ADAMTS17: variants seen among roughly 807,000 people sequenced by gnomAD.
ADAMTS17 encodes A disintegrin and metalloproteinase with thrombospondin motifs 17.
A neutral mutation model predicts 141.5 loss-of-function variants in ADAMTS17; 113 were observed. The observed-to-expected ratio is 0.80, with a 90% CI of 0.69 to 0.93. The LOEUF is 0.93. Among genes scored for constraint, ADAMTS17 ranks in the 40% least tolerant of loss-of-function variants. The pLI is 0.00. For missense variants in ADAMTS17, 1,659 were observed against 1,517.9 expected (o/e 1.09, Z -1.54); for synonymous variants, 768 against 630.6 (o/e 1.22, Z -3.27).
Position 100,176,015 on chromosome 15 carries a change from G to A in ADAMTS17, c.1182-20695C>T, listed in dbSNP as rs1214201759. Among the ~76,000 whole-genome samples the A allele has an allele frequency of 5.9e-5, 9 of 152,306 alleles. No individual in the cohort carries two copies. In the South Asian group the frequency reaches 1.2e-3, roughly 21 times the overall value. ...CAACCCCTAGACCATGGCCTGCCCC[G>A]TGATCTGTCTTCCAGGCCCTGCTGC... is the stretch of plus-strand genomic sequence containing the variant. On this transcript the variant is annotated intron_variant, in intron 8 of 21. Coordinates refer to ENST00000268070, the MANE Select transcript of ADAMTS17 (RefSeq NM_139057.4).
chr15:100,146,492 G>T (rs1237045149), intron 10 of ADAMTS17, among the ~76,000 whole-genome samples: 1 of 152,190 alleles, frequency 6.6e-6, no homozygotes, highest in Non-Finnish European at 1.5e-5. Context: ...GTCAGCTGAG[G>T]AAGATGTATG....
intron 15 of ADAMTS17, among the ~76,000 whole-genome samples, chr15:100,075,532 T>A (rs1026492180): frequency 1.3e-5 from 2 of 152,240 alleles, no homozygotes; most frequent in Admixed American, 1.3e-4. Flanking sequence ...TGGAGAAGTC[T>A]GAGGACTGCT....
chr15:100,139,249 G>A lies in ADAMTS17; in HGVS notation c.1474-5934C>T, dbSNP rs1364370603. Among the ~76,000 whole-genome samples the A allele has an allele frequency of 2.0e-5, 3 of 152,110 alleles. No homozygotes were observed. In the South Asian group the frequency reaches 6.2e-4, roughly 32 times the overall value. ...TAGAGAAATCTAAAAAAATTATCAG[G>A]GGCGACTTAGCTCAGTTTTATGTAC... On this transcript the variant is annotated intron_variant, in intron 10 of 21. Coordinates refer to ENST00000268070, the MANE Select transcript of ADAMTS17 (RefSeq NM_139057.4).
At position 100,272,763 on chromosome 15, in the gene ADAMTS17, C is replaced by G. The variant is rs534275668; in HGVS notation, c.789+8466G>C. Among the ~76,000 whole-genome samples, 5 of 151,048 alleles carry G rather than the reference C, an allele frequency of 3.3e-5. No individual in the cohort carries two copies. In the South Asian group the frequency reaches 1.1e-3, roughly 32 times the overall value. The stretch of plus-strand genomic sequence containing the variant: ...GAAGTAGCAAAAGCAGGCACTCTTG[C>G]CTTGTTCCAGATTTTAAAGAAAAAG... On this transcript the variant is annotated intron_variant, in intron 4 of 21. Transcript: ENST00000268070.
At chr15:100,213,564 A>G (rs1186530664) in intron 7 of ADAMTS17, among the ~76,000 whole-genome samples, 1 of 152,220 alleles carries the variant, frequency 6.6e-6, no homozygotes, top group African/African-American at 2.4e-5. Context: ...ATTTTCCTAA[A>G]TCACTCTCTC....
rs6598318 is a variant in ADAMTS17, at chr15:100,261,835, G to T, written c.874-199C>A. 4.0e-5 allele frequency among the ~76,000 whole-genome samples: 6 copies of T among 151,722 alleles called. No individual in the cohort carries two copies. The South Asian group carries it at 8.3e-4, about 21-fold the overall frequency. On this transcript the variant is annotated intron_variant, in intron 5 of 21. Transcript: ENST00000268070. ...GAGACCATCAGGGGCCTTACATATAGGTGCAAGTGAAGACTATGCTGTTTT... is the reference window on the plus strand; with the variant it reads ...GAGACCATCAGGGGCCTTACATATATGTGCAAGTGAAGACTATGCTGTTTT...
At chr15:100,198,235 C>A (rs1243289606) in intron 8 of ADAMTS17, among the ~76,000 whole-genome samples, 1 of 152,030 alleles carries the variant, frequency 6.6e-6, no homozygotes, top group Non-Finnish European at 1.5e-5. Flanking sequence ...TGGATATGGA[C>A]CAGCATTTTA....
chr15:100,142,003 G>A (rs1366975385), intron 10 of ADAMTS17, among the ~76,000 whole-genome samples: 4 of 152,230 alleles, frequency 2.6e-5, no homozygotes, highest in Admixed American at 6.5e-5. Context: ...TAAAGGGACA[G>A]ACCTCATTTA....
At chr15:100,218,456 G>A (rs1290115758) in intron 7 of ADAMTS17, among the ~76,000 whole-genome samples, 1 of 152,212 alleles carries the variant, frequency 6.6e-6, no homozygotes, top group Non-Finnish European at 1.5e-5. Flanking sequence ...GCAGAAATAT[G>A]TGTGGTCAAT....
chr15:99,974,642 G>C, intron 21 of ADAMTS17, 80 bp from the exon 22 acceptor site: 4 of 1,570,224 alleles, frequency 2.5e-6, no homozygotes, highest in Non-Finnish European at 3.5e-6. Context: ...AGGGCTTGTG[G>C]TCTGACCGTC....
intron 18 of ADAMTS17, among the ~76,000 whole-genome samples, chr15:100,036,496 C>A (rs1287061407): frequency 2.0e-5 from 3 of 152,236 alleles, no homozygotes; most frequent in Non-Finnish European, 2.9e-5. Context: ...GAGCTCTGGG[C>A]TGGTGTGTCA....
rs185918508 is a variant in ADAMTS17 at position 100,310,299 on chromosome 15, A to G, written c.616+20590T>C. Among the ~76,000 whole-genome samples, 277 of 152,336 alleles carry G rather than the reference A, an allele frequency of 1.8e-3. 1 individual carries two copies. The highest frequency in any genetic ancestry group is 6.4e-3 in the African/African-American group (268 of 41,580). On this transcript the variant is annotated intron_variant, in intron 3 of 21. Coordinates refer to ENST00000268070, the MANE Select transcript of ADAMTS17 (RefSeq NM_139057.4). The stretch of plus-strand genomic sequence containing the variant: ...ACCATCAGCCCCACACAGGGAGAGG[A>G]GGGGTAATAAAGCATCCCCCAAAAG...
At chr15:100,138,886 C>T (rs1051406683) in intron 10 of ADAMTS17, among the ~76,000 whole-genome samples, 1 of 152,164 alleles carries the variant, frequency 6.6e-6, no homozygotes, top group Non-Finnish European at 1.5e-5. Flanking sequence ...ACTAACTTGC[C>T]TTTTAAAAAA....
At chr15:100,100,042 G>A (rs564589778) in intron 14 of ADAMTS17, among the ~76,000 whole-genome samples, 4 of 152,234 alleles carry the variant, frequency 2.6e-5, no homozygotes, top group East Asian at 1.9e-4. Flanking sequence ...GCTCTACAGC[G>A]TCCGCTGTGT....
At chr15:100,045,147 T>G (rs1284110036) in intron 18 of ADAMTS17, among the ~76,000 whole-genome samples, 3 of 142,888 alleles carry the variant, frequency 2.1e-5, no homozygotes, top group African/African-American at 9.1e-5. Context: ...TAAAATAACC[T>G]CAAATTTAAT....
intron 8 of ADAMTS17, among the ~76,000 whole-genome samples, chr15:100,192,377 T>TG (rs1323806988): frequency 6.6e-6 from 1 of 152,228 alleles, no homozygotes; most frequent in Non-Finnish European, 1.5e-5. Context: ...CATCCCTTCC[T>TG]GGGGGGAGGC....
At chr15:100,132,429 C>G (rs113755005) in intron 11 of ADAMTS17, among the ~76,000 whole-genome samples, 6 of 152,324 alleles carry the variant, frequency 3.9e-5, no homozygotes, top group African/African-American at 1.4e-4. Context: ...GATGAATCTA[C>G]GTAGCTCTTG....
intron 5 of ADAMTS17, among the ~76,000 whole-genome samples, chr15:100,262,006 T>C (rs943318485): frequency 6.6e-6 from 1 of 152,202 alleles, no homozygotes; most frequent in Admixed American, 6.5e-5. Flanking sequence ...GATGCTGCCA[T>C]GAACCCAAAC....
At chr15:99,974,615 C>T (rs1476189115) in intron 21 of ADAMTS17, 53 bp from the exon 22 acceptor site, 7 of 1,609,826 alleles carry the variant, frequency 4.3e-6, no homozygotes, top group South Asian at 1.1e-5. Context: ...TAGGCATGTC[C>T]TGATGCAGGC....
Sources: gnomAD v4.1 joint callset for allele counts (sites outside exome capture counted in the v4.1 genomes callset) on GRCh38, gnomAD v4.1.1 for gene constraint, MANE v1.5 for transcripts, NCBI Gene and HGNC (gene_info 2026-07-23, HGNC 2026-07-21) for gene names.